SH3RF1: variants seen among roughly 807,000 people sequenced by gnomAD.
SH3RF1 encodes E3 ubiquitin-protein ligase SH3RF1.
SH3RF1 carries 32 observed loss-of-function variants against 74.0 expected under a neutral mutation model. The observed-to-expected ratio is 0.43, with a 90% CI of 0.33 to 0.58. The LOEUF (loss-of-function observed/expected upper bound fraction) is 0.58. Among genes scored for constraint, SH3RF1 ranks in the 20% least tolerant of loss-of-function variants. The probability of loss-of-function intolerance (pLI) is 0.05; values close to 1 mark genes in which losing one functional copy is unlikely to be tolerated. For synonymous variants in SH3RF1, 396 were observed against 439.6 expected (o/e 0.90, Z 1.24); for missense variants, 954 against 1,130.9 (o/e 0.84, Z 2.24).
intron 2 of SH3RF1, among the ~76,000 whole-genome samples, chr4:169,179,259 C>A (rs540967262): frequency 1.3e-5 from 2 of 152,194 alleles, no homozygotes; most frequent in Admixed American, 6.5e-5. Context: ...GGACCACAAG[C>A]CAAAGGATAT....
chr4:169,139,746 T>G (rs1477271948), intron 4 of SH3RF1, among the ~76,000 whole-genome samples: 2 of 152,170 alleles, frequency 1.3e-5, no homozygotes, highest in Non-Finnish European at 2.9e-5. Context: ...CCTGGAGTGG[T>G]GTAACAAGCC....
intron 6 of SH3RF1, among the ~76,000 whole-genome samples, chr4:169,128,484 C>T (rs1046993747): frequency 9.8e-5 from 15 of 152,318 alleles, no homozygotes; most frequent in Middle Eastern, 3.4e-3. Context: ...ACATTATTAG[C>T]TTCCATTTAA....
At chr4:169,270,157 G>A (rs939549027) in intron 1 of SH3RF1, among the ~76,000 whole-genome samples, 1 of 152,226 alleles carries the variant, frequency 6.6e-6, no homozygotes, top group South Asian at 2.1e-4. Context: ...CCAGGAGAAC[G>A]GGAGTAAAAA....
chr4:169,147,199 C>T (rs1478520245), intron 4 of SH3RF1, among the ~76,000 whole-genome samples: 10 of 152,118 alleles, frequency 6.6e-5, no homozygotes, highest in African/African-American at 1.9e-4. Context: ...TGAATGCACA[C>T]CATAAATCAG....
At chr4:169,135,929 A>G (rs529824239) in intron 5 of SH3RF1, among the ~76,000 whole-genome samples, 1 of 152,370 alleles carries the variant, frequency 6.6e-6, no homozygotes, top group East Asian at 1.9e-4. Flanking sequence ...AGCAACTACA[A>G]ACGTCACGAG....
At chr4:169,242,122 T>TA (rs199745243) in intron 2 of SH3RF1, among the ~76,000 whole-genome samples, 22 of 151,712 alleles carry the variant, frequency 1.5e-4, no homozygotes, top group African/African-American at 4.6e-4. Context: ...TATTTCAATT[T>TA]AAATTTTTTT....
chr4:169,137,653 T>C (rs1467942937), intron 4 of SH3RF1, among the ~76,000 whole-genome samples: 1 of 152,210 alleles, frequency 6.6e-6, no homozygotes, highest in African/African-American at 2.4e-5. Context: ...TCATGTACTA[T>C]TTTTCCCACT....
chr4:169,168,664 T>C (rs948491309), intron 2 of SH3RF1, among the ~76,000 whole-genome samples: 9 of 152,236 alleles, frequency 5.9e-5, no homozygotes, highest in Non-Finnish European at 1.3e-4. Flanking sequence ...GGTTGTTAAA[T>C]ATTGCAGTGG....
At chr4:169,123,618 G>T (rs1014952655) in intron 6 of SH3RF1, among the ~76,000 whole-genome samples, 9 of 152,144 alleles carry the variant, frequency 5.9e-5, no homozygotes, top group Admixed American at 5.9e-4. Context: ...GCTCGCAGGC[G>T]CAGTGGCTCA....
intron 6 of SH3RF1, 77 bp downstream of exon 6, chr4:169,129,969 G>A: frequency 9.1e-7 from 1 of 1,096,162 alleles, no homozygotes. Flanking sequence ...CGCTGCAGGT[G>A]TTAGGAGGTG....
chr4:169,107,885 G>A (rs1430350839), intron 10 of SH3RF1, among the ~76,000 whole-genome samples: 1 of 152,178 alleles, frequency 6.6e-6, no homozygotes, highest in Non-Finnish European at 1.5e-5. Context: ...CCATTTTAAG[G>A]AAAGCTTCAG....
At chr4:169,230,803 C>G (rs1730724459) in intron 2 of SH3RF1, among the ~76,000 whole-genome samples, 1 of 147,434 alleles carries the variant, frequency 6.8e-6, no homozygotes, top group South Asian at 2.1e-4. Flanking sequence ...TTGCAGTGAG[C>G]TGAGATCGTG....
At chr4:169,156,364 T>C in intron 3 of SH3RF1, 40 bp downstream of exon 3, 6 of 1,520,266 alleles carry the variant, frequency 3.9e-6, no homozygotes, top group Non-Finnish European at 5.3e-6. Flanking sequence ...GGTACAGAGG[T>C]AGAGCTGGCA....
chr4:169,152,838 G>T (rs915352218), intron 4 of SH3RF1, among the ~76,000 whole-genome samples: 3 of 152,180 alleles, frequency 2.0e-5, no homozygotes, highest in Admixed American at 1.3e-4. Flanking sequence ...ACAGTCACAT[G>T]ATGTTGAGGA....
intron 2 of SH3RF1, among the ~76,000 whole-genome samples, chr4:169,211,812 T>C (rs1730376739): frequency 6.6e-6 from 1 of 152,188 alleles, no homozygotes; most frequent in South Asian, 2.1e-4. Flanking sequence ...AACTGGCACA[T>C]CACACTGACT....
At chr4:169,174,968 G>A (rs1427886957) in intron 2 of SH3RF1, among the ~76,000 whole-genome samples, 2 of 152,080 alleles carry the variant, frequency 1.3e-5, no homozygotes, top group East Asian at 1.9e-4. Context: ...ACAAATCAAC[G>A]TGTCCAAAAC....
intron 2 of SH3RF1, among the ~76,000 whole-genome samples, chr4:169,196,430 T>C (rs1411593145): frequency 6.6e-6 from 1 of 152,242 alleles, no homozygotes; most frequent in African/African-American, 2.4e-5. Context: ...TAGACAATGT[T>C]AGGTAACGAT....
intron 2 of SH3RF1, among the ~76,000 whole-genome samples, chr4:169,180,993 T>C (rs903818837): frequency 2.6e-5 from 4 of 152,148 alleles, no homozygotes; most frequent in African/African-American, 7.2e-5. Flanking sequence ...ACAAATTCGC[T>C]CTAGGGACCA....
intron 10 of SH3RF1, 56 bp downstream of exon 10, chr4:169,116,210 TAAG>T (rs1163663736): frequency 1.1e-5 from 17 of 1,537,400 alleles, no homozygotes; most frequent in African/African-American, 4.1e-5. Flanking sequence ...AGACACAACA[TAAG>T]AAGAAAAACA....
Sources: gnomAD v4.1 joint callset for allele counts (sites outside exome capture counted in the v4.1 genomes callset) on GRCh38, gnomAD v4.1.1 for gene constraint, MANE v1.5 for transcripts, NCBI Gene and HGNC (gene_info 2026-07-23, HGNC 2026-07-21) for gene names.